CFAP92: variants seen among roughly 807,000 people sequenced by gnomAD.
CFAP92 encodes the protein uncharacterized protein CFAP92.
Under a neutral mutation model 106.3 loss-of-function variants are expected in CFAP92, and 86 were observed. That is an observed-to-expected ratio of 0.81 (90% CI 0.68 to 0.97). CFAP92 has a LOEUF of 0.97. CFAP92 is among the 50% of genes least tolerant of loss of function. CFAP92 has a pLI of 0.00. For missense variants in CFAP92, 1,204 were observed against 1,283.8 expected, an observed-to-expected ratio of 0.94 and a Z score of 0.95; for synonymous variants, 477 against 506.4, an observed-to-expected ratio of 0.94 and a Z score of 0.78.
At chr3:129,003,964 G>GCAGGTGGCCCGC (rs1480240294), upstream of CFAP92, 1 of 1,449,446 alleles carries the variant, frequency 6.9e-7, no homozygotes, top group Non-Finnish European at 9.0e-7. Context: ...AGGAGGCCCG[G>GCAGGTGGCCCGC]CAGGTGGTGC....
At chr3:128,950,552 G>A (rs1002413115) in intron 9 of CFAP92, among the ~76,000 whole-genome samples, 19 of 152,302 alleles carry the variant, frequency 1.2e-4, no homozygotes, top group Non-Finnish European at 1.6e-4. Flanking sequence ...TCAGTGATTC[G>A]CTAGGAGAAC....
At chr3:128,983,671 T>C (rs1295314851) in intron 4 of CFAP92, among the ~76,000 whole-genome samples, 4 of 152,148 alleles carry the variant, frequency 2.6e-5, no homozygotes, top group African/African-American at 9.7e-5. Context: ...TGTTGAATTA[T>C]AGATAACATT....
At chr3:128,956,196 T>TAAAAAAAAAAAAAAAAAAA (rs577724635) in intron 9 of CFAP92, among the ~76,000 whole-genome samples, 12 of 61,686 alleles carry the variant, frequency 1.9e-4, no homozygotes, top group Non-Finnish European at 3.0e-4. Context: ...AAAAAAAAAA[T>TAAAAAAAAAAAAAAAAAAA]AAAAAAAAAA....
At chr3:128,944,952 C>T (rs960329735) in intron 10 of CFAP92, 119 bp downstream of exon 10, 1 of 882,906 alleles carries the variant, frequency 1.1e-6, no homozygotes, top group Admixed American at 2.9e-5. Context: ...CACAATGAAC[C>T]CCGAAAGGAG....
intron 12 of CFAP92, among the ~76,000 whole-genome samples, chr3:128,917,420 A>T (rs1018694564): frequency 1.3e-5 from 2 of 152,204 alleles, no homozygotes; most frequent in Non-Finnish European, 2.9e-5. Flanking sequence ...CCTAATGCTT[A>T]TTACAGGGAA....
chr3:128,983,699 G>C (rs1943667214), intron 4 of CFAP92, among the ~76,000 whole-genome samples: 1 of 152,244 alleles, frequency 6.6e-6, no homozygotes, highest in East Asian at 1.9e-4. Context: ...AAAGAGATGA[G>C]GCTGGGAGCC....
chr3:129,004,230 C>T (rs939949959), upstream of CFAP92, among the ~76,000 whole-genome samples: 1 of 152,204 alleles, frequency 6.6e-6, no homozygotes, highest in African/African-American at 2.4e-5. Flanking sequence ...TGTCAGTTCT[C>T]CATTTCTTAA....
chr3:128,910,207 T>G lies in CFAP92; in HGVS notation c.*92A>C. ...CTGCTGCCATCTGTCCTGCTGCACT[T>G]TAATGAAGTTGATTGTTGAGGAGGG... On this transcript the variant is annotated 3_prime_UTR_variant, in exon 16 of 16. Transcript: ENST00000645291. 1 of 1,611,586 alleles carries G rather than the reference T, an allele frequency of 6.2e-7. No individual in the cohort carries two copies. The highest frequency in any genetic ancestry group is 8.5e-7 in the Non-Finnish European group (1 of 1,179,584).
At chr3:128,983,406 C>T (rs561331320) in intron 4 of CFAP92, among the ~76,000 whole-genome samples, 2 of 152,162 alleles carry the variant, frequency 1.3e-5, no homozygotes, top group African/African-American at 4.8e-5. Flanking sequence ...AGATGAAGAT[C>T]TGACACTGAA....
intron 9 of CFAP92, among the ~76,000 whole-genome samples, chr3:128,962,554 C>A (rs889598050): frequency 6.6e-6 from 1 of 152,108 alleles, no homozygotes; most frequent in Non-Finnish European, 1.5e-5. Flanking sequence ...TCCAAAGCCT[C>A]CTTTGCGTCC....
At position 128,924,432 on chromosome 3, in the gene CFAP92, C is replaced by CTTTTTTT. The variant is rs71153151; in HGVS notation, c.2752-8168_2752-8162dup. Among the ~76,000 whole-genome samples, 28 of 69,826 alleles carry CTTTTTTT rather than the reference C, an allele frequency of 4.0e-4. 3 individuals are homozygous for CTTTTTTT. Among genetic ancestry groups the CTTTTTTT allele is most frequent in the African/African-American group, 1.1e-3 (20 of 17,902 alleles). The allele number at this position is 69,826 out of a possible 152,430, so 45.8% of individuals were successfully genotyped here. A position where few individuals can be genotyped will look rare whatever the true frequency, so the allele number is the denominator to read the frequency against. ...TCCCAGGCTCATAGAACGATTGTAT[C>CTTTTTTT]TTTTTTTTTTTTTTTTTTTTTTTTT... On this transcript the variant is annotated intron_variant, in intron 12 of 15. Transcript: ENST00000645291.
intron 15 of CFAP92, chr3:128,912,360 C>T: frequency 1.4e-6 from 1 of 707,874 alleles, no homozygotes; most frequent in Non-Finnish European, 2.6e-6. Context: ...CCCTGAATCA[C>T]TTGCTGGGGG....
chr3:128,979,318 A>G (rs971720568), intron 4 of CFAP92, among the ~76,000 whole-genome samples: 4 of 152,232 alleles, frequency 2.6e-5, no homozygotes, highest in Admixed American at 1.3e-4. Context: ...GAGGATGTGG[A>G]GAAATAGGAA....
At chr3:128,953,625 C>G (rs188850488) in intron 9 of CFAP92, among the ~76,000 whole-genome samples, 4,680 of 125,798 alleles carry the variant, frequency 0.037, 539 homozygotes, top group African/African-American at 0.17. Context: ...CTCTCCCTCC[C>G]TCTCCGTCTC....
upstream of CFAP92, among the ~76,000 whole-genome samples, chr3:128,994,789 G>A (rs774535890): frequency 1.2e-4 from 19 of 152,230 alleles, no homozygotes; most frequent in Admixed American, 3.9e-4. Flanking sequence ...CACAGCAAGC[G>A]GCTGGGACAG....
chr3:128,981,015 T>A (rs1383227635), intron 4 of CFAP92, among the ~76,000 whole-genome samples: 1 of 151,810 alleles, frequency 6.6e-6, no homozygotes, highest in Non-Finnish European at 1.5e-5. Context: ...GAATGGGGAA[T>A]CCTTTCCGGA....
intron 12 of CFAP92, among the ~76,000 whole-genome samples, chr3:128,932,207 T>C (rs1451602538): frequency 1.3e-5 from 2 of 152,190 alleles, no homozygotes; most frequent in Admixed American, 6.6e-5. Context: ...TTGGTTGGCA[T>C]GGGGTGAGCG....
At chr3:128,956,215 T>TAAAAAAAAAAAA (rs545191144) in intron 9 of CFAP92, among the ~76,000 whole-genome samples, 3 of 68,752 alleles carry the variant, frequency 4.4e-5, no homozygotes, top group South Asian at 4.5e-4. Context: ...AATAAAAAAA[T>TAAAAAAAAAAAA]AAAAAAAAAA....
intron 6 of CFAP92, 76 bp from the exon 7 acceptor site, chr3:128,975,979 T>C (rs900821928): frequency 2.8e-6 from 4 of 1,443,618 alleles, no homozygotes; most frequent in Non-Finnish European, 2.8e-6. Context: ...TATTTACTGA[T>C]GGACTAAATG....
Sources: allele counts gnomAD v4.1 joint callset (sites outside exome capture counted in the v4.1 genomes callset), GRCh38; gene constraint gnomAD v4.1.1; transcripts MANE v1.5; gene names NCBI Gene and HGNC (gene_info 2026-07-23, HGNC 2026-07-21).